The following NKAIN2 variants were observed in gnomAD, a reference collection of about 807,000 sequenced individuals.
NKAIN2 encodes sodium/potassium transporting ATPase interacting 2.
NKAIN2 carries 14 observed loss-of-function variants against 32.6 expected under a neutral mutation model. The observed-to-expected ratio is 0.43, with a 90% CI of 0.28 to 0.67. The LOEUF (loss-of-function observed/expected upper bound fraction) is 0.67, where lower values mean the gene tolerates loss of function less well. Ranked by LOEUF, NKAIN2 falls within the 30% of genes least tolerant of loss-of-function variation. The pLI is 0.17. For missense variants in NKAIN2, 198 were observed against 258.3 expected (o/e 0.77, Z 1.60); for synonymous variants, 80 against 87.2 (o/e 0.92, Z 0.46).
chr6:124,782,677 A>G (rs1779325943), intron 4 of NKAIN2, among the ~76,000 whole-genome samples: 1 of 152,160 alleles, frequency 6.6e-6, no homozygotes, highest in African/African-American at 2.4e-5. Flanking sequence ...GTACCCTATT[A>G]TCTCTGATCA....
intron 5 of NKAIN2, among the ~76,000 whole-genome samples, chr6:124,809,991 C>T (rs1048727112): frequency 6.6e-6 from 1 of 152,112 alleles, no homozygotes; most frequent in African/African-American, 2.4e-5. Context: ...ACAACAGGTG[C>T]TTGAGAGGAT....
rs535819840 is a variant in NKAIN2, at chr6:124,037,179, G to T, written c.54+232925G>T. Among the ~76,000 whole-genome samples the T allele has an allele frequency of 6.6e-5, 10 of 152,158 alleles. No homozygotes were observed. In the South Asian group the frequency reaches 2.1e-3, roughly 32 times the overall value. On this transcript the variant is annotated intron_variant, in intron 1 of 6. Transcript: ENST00000368417. The stretch of plus-strand genomic sequence containing the variant: ...GTGATCACTTCCAAGAAGGAAAACC[G>T]ATCAGAGAGTCACACAGAAATTAAT...
chr6:124,182,621 T>A (rs1789500385), intron 1 of NKAIN2, among the ~76,000 whole-genome samples: 1 of 152,206 alleles, frequency 6.6e-6, no homozygotes, highest in Admixed American at 6.5e-5. Context: ...ACCAGGTGGT[T>A]TTATTTGAAA....
intron 1 of NKAIN2, among the ~76,000 whole-genome samples, chr6:123,809,615 C>T (rs1353519770): frequency 2.6e-5 from 4 of 151,978 alleles, no homozygotes; most frequent in Admixed American, 6.6e-5. Flanking sequence ...AAATTTGTTA[C>T]GCTTTTTCTT....
chr6:123,981,121 C>A (rs1198321287), intron 1 of NKAIN2, among the ~76,000 whole-genome samples: 1 of 152,122 alleles, frequency 6.6e-6, no homozygotes, highest in Non-Finnish European at 1.5e-5. Context: ...CCCACCTCGG[C>A]CTCTCAAAAT....
chr6:124,745,152 G>C (rs186149077), intron 4 of NKAIN2, among the ~76,000 whole-genome samples: 2 of 151,910 alleles, frequency 1.3e-5, no homozygotes, highest in African/African-American at 4.8e-5. Context: ...ACTTCAAAAA[G>C]ATATGGCCAT....
intron 1 of NKAIN2, among the ~76,000 whole-genome samples, chr6:124,224,563 A>G (rs1320313334): frequency 2.0e-5 from 3 of 152,094 alleles, no homozygotes; most frequent in Non-Finnish European, 4.4e-5. Context: ...CTGGACAAAA[A>G]TCATTACAGT....
chr6:124,624,423 G>A (rs1435119963), intron 3 of NKAIN2, among the ~76,000 whole-genome samples: 1 of 152,130 alleles, frequency 6.6e-6, no homozygotes, highest in Admixed American at 6.6e-5. Context: ...ACCCTTTGTG[G>A]CTTTAAGGCC....
chr6:124,293,986 A>G (rs1365351330), intron 2 of NKAIN2, among the ~76,000 whole-genome samples: 3 of 152,142 alleles, frequency 2.0e-5, no homozygotes, highest in Non-Finnish European at 2.9e-5. Context: ...AGAGTTTCTT[A>G]GTATAATGTC....
intron 1 of NKAIN2, among the ~76,000 whole-genome samples, chr6:124,019,767 G>A (rs1464061607): frequency 1.3e-5 from 2 of 151,900 alleles, no homozygotes; most frequent in East Asian, 1.9e-4. Context: ...ATAAATTAAT[G>A]CATTAGTATT....
intron 3 of NKAIN2, among the ~76,000 whole-genome samples, chr6:124,380,160 A>G (rs984358206): frequency 1.3e-5 from 2 of 152,140 alleles, no homozygotes; most frequent in Admixed American, 1.3e-4. Flanking sequence ...CGTCCCAGCT[A>G]TTCAGTAACG....
At chr6:123,805,010 T>C (rs930252926) in intron 1 of NKAIN2, among the ~76,000 whole-genome samples, 1 of 152,202 alleles carries the variant, frequency 6.6e-6, no homozygotes, top group African/African-American at 2.4e-5. Context: ...ATGTACTTTT[T>C]GAGGAATGTT....
chr6:123,861,339 AAT>A (rs1366573696), intron 1 of NKAIN2, among the ~76,000 whole-genome samples: 1 of 152,234 alleles, frequency 6.6e-6, no homozygotes, highest in Non-Finnish European at 1.5e-5. Context: ...CTCACAGTCT[AAT>A]ATTATATTGT....
chr6:124,797,092 T>G (rs1780031590), intron 5 of NKAIN2, among the ~76,000 whole-genome samples: 1 of 149,786 alleles, frequency 6.7e-6, no homozygotes, highest in East Asian at 2.0e-4. Flanking sequence ...CTGTCCTCAG[T>G]GCTTTATTAG....
intron 3 of NKAIN2, among the ~76,000 whole-genome samples, chr6:124,388,532 C>T (rs149496187): frequency 6.6e-6 from 1 of 152,160 alleles, no homozygotes; most frequent in Admixed American, 6.6e-5. Flanking sequence ...TTATTTCACT[C>T]CTCCCCTTCT....
At chr6:124,666,013 T>C (rs935635528) in intron 4 of NKAIN2, among the ~76,000 whole-genome samples, 2 of 152,092 alleles carry the variant, frequency 1.3e-5, no homozygotes, top group African/African-American at 4.8e-5. Context: ...GTGCCTGCAA[T>C]AGAAAATAGA....
intron 3 of NKAIN2, among the ~76,000 whole-genome samples, chr6:124,413,834 G>T (rs946665505): frequency 2.0e-5 from 3 of 151,998 alleles, no homozygotes; most frequent in Non-Finnish European, 2.9e-5. Flanking sequence ...ATATGATTGT[G>T]TATTGCTAAT....
In NKAIN2 at chr6:124,640,759, A is replaced by G. The variant is rs114327587; in HGVS notation, c.274-17427A>G. ...TTTAGAGGTGGAAAATAAAATTGAG[A>G]TTTTGAGCCTGGAAGTTCGATGAAC... On this transcript the variant is annotated intron_variant, in intron 3 of 6. Coordinates refer to ENST00000368417, the MANE Select transcript of NKAIN2 (RefSeq NM_001040214.3). Among the ~76,000 whole-genome samples the G allele has an allele frequency of 8.7e-3, 1,321 of 152,254 alleles. 16 individuals are homozygous for G. The highest frequency in any genetic ancestry group is 0.03 in the African/African-American group (1,261 of 41,540).
intron 1 of NKAIN2, among the ~76,000 whole-genome samples, chr6:124,142,837 A>G (rs1787211061): frequency 6.6e-6 from 1 of 152,204 alleles, no homozygotes; most frequent in African/African-American, 2.4e-5. Flanking sequence ...TATCATTATA[A>G]TCATATAAAG....
Sources: allele counts gnomAD v4.1 joint callset (sites outside exome capture counted in the v4.1 genomes callset), GRCh38; gene constraint gnomAD v4.1.1; transcripts MANE v1.5; gene names NCBI Gene and HGNC (gene_info 2026-07-23, HGNC 2026-07-21).